TLL1: variants seen among roughly 807,000 people sequenced by gnomAD.
TLL1 encodes the protein tolloid like 1, also known as tolloid-like protein 1.
TLL1 carries 49 observed loss-of-function variants against 128.2 expected under a neutral mutation model. The observed-to-expected ratio is 0.38, with a 90% CI of 0.30 to 0.48. TLL1 has a LOEUF of 0.48. TLL1 is among the 20% of genes least tolerant of loss of function. The pLI is 0.96. For synonymous variants in TLL1, 454 were observed against 418.8 expected (o/e 1.08, Z -1.03); for missense variants, 1,123 against 1,242.0 (o/e 0.90, Z 1.44).
At chr4:165,966,464 T>C (rs1735380118) in intron 1 of TLL1, among the ~76,000 whole-genome samples, 1 of 152,112 alleles carries the variant, frequency 6.6e-6, no homozygotes, top group Admixed American at 6.5e-5. Flanking sequence ...TTTGTAACTT[T>C]CCAATTAATT....
chr4:165,892,804 C>T (rs1731486084), intron 1 of TLL1, among the ~76,000 whole-genome samples: 1 of 152,206 alleles, frequency 6.6e-6, no homozygotes, highest in African/African-American at 2.4e-5. Context: ...ACCCTTTAAA[C>T]TCTTGCATTC....
chr4:165,906,081 A>C (rs1732241282), intron 1 of TLL1, among the ~76,000 whole-genome samples: 1 of 152,208 alleles, frequency 6.6e-6, no homozygotes, highest in Admixed American at 6.5e-5. Flanking sequence ...CATTAAAAAA[A>C]GTTTTATTGG....
chr4:165,948,765 T>C (rs1266347977), intron 1 of TLL1, among the ~76,000 whole-genome samples: 1 of 152,118 alleles, frequency 6.6e-6, no homozygotes, highest in African/African-American at 2.4e-5. Context: ...GGTGATTAAA[T>C]TTCAATAAGG....
chr4:165,973,633 C>T, intron 1 of TLL1, among the ~76,000 whole-genome samples: 1 of 151,014 alleles, frequency 6.6e-6, no homozygotes, highest in East Asian at 1.9e-4. Flanking sequence ...TATTGCAGCA[C>T]TATCCTTAAC....
intron 1 of TLL1, among the ~76,000 whole-genome samples, chr4:165,914,315 GC>G (rs1732682454): frequency 6.6e-6 from 1 of 152,052 alleles, no homozygotes; most frequent in Non-Finnish European, 1.5e-5. Flanking sequence ...ACTTACTCAT[GC>G]TATTTTTTTC....
intron 1 of TLL1, among the ~76,000 whole-genome samples, chr4:165,918,833 C>T (rs1732902911): frequency 6.6e-6 from 1 of 151,994 alleles, no homozygotes; most frequent in Admixed American, 6.6e-5. Flanking sequence ...GATGAATCAC[C>T]CATTTGGATT....
chr4:166,082,569 G>A (rs1389323282), intron 18 of TLL1, among the ~76,000 whole-genome samples: 1 of 152,052 alleles, frequency 6.6e-6, no homozygotes, highest in African/African-American at 2.4e-5. Context: ...ATCTACTCGT[G>A]TACTTTGACA....
chr4:165,971,225 C>T (rs1735613503), intron 1 of TLL1, among the ~76,000 whole-genome samples: 1 of 152,206 alleles, frequency 6.6e-6, no homozygotes, highest in African/African-American at 2.4e-5. Context: ...TTAGATTTCC[C>T]TTGGCCAGTC....
At chr4:166,057,999 A>G (rs1260337994) in intron 14 of TLL1, among the ~76,000 whole-genome samples, 4 of 152,168 alleles carry the variant, frequency 2.6e-5, no homozygotes, top group African/African-American at 9.6e-5. Context: ...ATCTATATAT[A>G]AATCTACATC....
chr4:166,051,351 TTTTC>T (rs1190702658), intron 12 of TLL1, among the ~76,000 whole-genome samples: 12 of 137,146 alleles, frequency 8.7e-5, no homozygotes, highest in African/African-American at 3.1e-4. Context: ...CTTTCCTTTC[TTTTC>T]TTTGTTTCTT....
At position 166,055,016 on chromosome 4, in the gene TLL1, C is replaced by T; in HGVS notation, c.1525-60C>T. ...GTATGGCACTGAGAAGACATCTATCCTCCTATATAAAATGTTTTATCTATA... is the reference window on the plus strand; with the variant it reads ...GTATGGCACTGAGAAGACATCTATCTTCCTATATAAAATGTTTTATCTATA... On this transcript the variant is annotated intron_variant, in intron 12 of 20. Coordinates refer to ENST00000061240, the MANE Select transcript of TLL1 (RefSeq NM_012464.5). 3.6e-6 allele frequency: 5 copies of T among 1,395,454 alleles called. No homozygotes were observed. The South Asian group carries it at 5.1e-5, about 14-fold the overall frequency. 86.4% of individuals were successfully genotyped at this position (1,395,454 alleles called of 1,614,324 possible).
intron 1 of TLL1, among the ~76,000 whole-genome samples, chr4:165,913,170 A>G (rs976018070): frequency 2.6e-5 from 4 of 152,214 alleles, no homozygotes; most frequent in African/African-American, 9.6e-5. Flanking sequence ...AGTACATGAT[A>G]GTTTGTTATA....
In TLL1 at chr4:166,102,372, T is replaced by A. The variant is rs1465027491; in HGVS notation, c.*1496T>A. The A allele has an allele frequency of 6.6e-6, 1 of 152,436 alleles. No individual in the cohort carries two copies. Among genetic ancestry groups the A allele is most frequent in the African/African-American group, 2.4e-5 (1 of 41,440 alleles). The allele number at this position is 152,436 out of a possible 1,614,324, so 9.4% of individuals were successfully genotyped here. On this transcript the variant is annotated 3_prime_UTR_variant, in exon 21 of 21. Coordinates refer to ENST00000061240, the MANE Select transcript of TLL1 (RefSeq NM_012464.5). ...TGTTTTTAAAATTAATGAATGTAGA[T>A]GTGTGATTGTCTGAGTGAGTGAAAC...
At chr4:165,956,832 C>T (rs1211464053) in intron 1 of TLL1, among the ~76,000 whole-genome samples, 1 of 152,026 alleles carries the variant, frequency 6.6e-6, no homozygotes, top group Non-Finnish European at 1.5e-5. Context: ...AATTTATGTT[C>T]CTCTGCTGTG....
At chr4:166,012,235 T>C (rs1390231362) in intron 7 of TLL1, among the ~76,000 whole-genome samples, 1 of 151,648 alleles carries the variant, frequency 6.6e-6, no homozygotes, top group Non-Finnish European at 1.5e-5. Context: ...TGTCTCTGCC[T>C]ATTGATAGTG....
chr4:166,067,216 T>C (rs1487067343), intron 16 of TLL1, among the ~76,000 whole-genome samples: 1 of 151,786 alleles, frequency 6.6e-6, no homozygotes, highest in Non-Finnish European at 1.5e-5. Context: ...TTCAGGATCC[T>C]TTTTATGTTA....
chr4:165,910,087 G>A (rs929492229), intron 1 of TLL1, among the ~76,000 whole-genome samples: 11 of 152,094 alleles, frequency 7.2e-5, no homozygotes, highest in Admixed American at 3.3e-4. Context: ...ATCACGCTGT[G>A]GTGAAAAGCA....
chr4:165,907,881 GCATTCTA>G (rs896985738), intron 1 of TLL1, among the ~76,000 whole-genome samples: 2 of 152,086 alleles, frequency 1.3e-5, no homozygotes, highest in African/African-American at 4.8e-5. Context: ...CTGATAAGCA[GCATTCTA>G]ATATTGAAAT....
rs55874624 is a variant in TLL1 at position 165,953,627 on chromosome 4, C to CATATAT, written c.170-35738_170-35733dup. ...GAGATAGGTCATCTATTTGCTCTGTCATATATATATATATATATATAAATA... is the reference window on the plus strand; with the variant it reads ...GAGATAGGTCATCTATTTGCTCTGTCATATATATATATATATATATATATATAAATA... On this transcript the variant is annotated intron_variant, in intron 1 of 20. Transcript: ENST00000061240. Among the ~76,000 whole-genome samples the CATATAT allele has an allele frequency of 8.9e-5, 13 of 146,600 alleles. No individual in the cohort carries two copies. The East Asian group carries it at 1.0e-3, about 11-fold the overall frequency.
Sources: gnomAD v4.1 joint callset for allele counts (sites outside exome capture counted in the v4.1 genomes callset) on GRCh38, gnomAD v4.1.1 for gene constraint, MANE v1.5 for transcripts, NCBI Gene and HGNC (gene_info 2026-07-23, HGNC 2026-07-21) for gene names.